MAP2K1: variants seen among roughly 807,000 people sequenced by gnomAD.
MAP2K1 encodes dual specificity mitogen-activated protein kinase kinase 1.
A neutral mutation model predicts 46.3 loss-of-function variants in MAP2K1; 16 were observed. The observed-to-expected ratio is 0.35, with a 90% CI of 0.23 to 0.52. The LOEUF (loss-of-function observed/expected upper bound fraction) is 0.52, where lower values mean the gene tolerates loss of function less well. Ranked by LOEUF, MAP2K1 falls within the 20% of genes least tolerant of loss-of-function variation. The pLI is 0.94. For missense variants in MAP2K1, 263 were observed against 497.1 expected (o/e 0.53, Z 4.48); for synonymous variants, 183 against 185.6 (o/e 0.99, Z 0.11).
chr15:66,458,449 T>C (rs1892229002), intron 5 of MAP2K1, among the ~76,000 whole-genome samples: 1 of 152,228 alleles, frequency 6.6e-6, no homozygotes, highest in African/African-American at 2.4e-5. Context: ...TTTCCTTCTA[T>C]CTAATGAAAC....
At position 66,469,693 on chromosome 15, in the gene MAP2K1, GAC is replaced by G. The variant is rs56197290; in HGVS notation, c.569-12032_569-12031del. Reference sequence around the variant, plus strand: ...ACCCAAAACATAAAATCCTTTTAAAGACACACACACACACACACACACACACA... The same window carrying G: ...ACCCAAAACATAAAATCCTTTTAAAGACACACACACACACACACACACACA... On this transcript the variant is annotated intron_variant, in intron 5 of 10. Transcript: ENST00000307102. Among the ~76,000 whole-genome samples, 115 of 84,846 alleles carry G rather than the reference GAC, an allele frequency of 1.4e-3. 1 individual carries two copies. The highest frequency in any genetic ancestry group is 4.9e-3 in the East Asian group (9 of 1,848). The allele number at this position is 84,846 out of a possible 152,430, so 55.7% of individuals were successfully genotyped here.
chr15:66,461,745 C>T (rs896195925), intron 5 of MAP2K1, among the ~76,000 whole-genome samples: 4 of 152,072 alleles, frequency 2.6e-5, no homozygotes, highest in South Asian at 2.1e-4. Flanking sequence ...AAGCTGCTAC[C>T]CACCAAGTGA....
chr15:66,401,982 C>A, intron 1 of MAP2K1: 4 of 1,340,814 alleles, frequency 3.0e-6, no homozygotes, highest in Non-Finnish European at 3.9e-6. Flanking sequence ...CCAGGCTGAA[C>A]ATTTTGAAAA....
At chr15:66,443,173 GCCTCCCAGGTTCATGCCATT>G in intron 3 of MAP2K1, 87 bp from the exon 4 acceptor site, 1 of 564,874 alleles carries the variant, frequency 1.8e-6, no homozygotes, top group Non-Finnish European at 3.3e-6. Flanking sequence ...TGCAAGCTCC[GCCTCCCAGGTTCATGCCATT>G]CTCCTGCCTC....
intron 1 of MAP2K1, among the ~76,000 whole-genome samples, chr15:66,387,867 C>T (rs948310988): frequency 6.6e-6 from 1 of 152,200 alleles, no homozygotes; most frequent in African/African-American, 2.4e-5. Context: ...GGAGCATCAT[C>T]CTCACCTTCA....
rs1417401434 is a variant in MAP2K1 at position 66,420,775 on chromosome 15, A to ATG, written c.81-14248_81-14247dup. On this transcript the variant is annotated intron_variant, in intron 1 of 10. Coordinates refer to ENST00000307102, the MANE Select transcript of MAP2K1 (RefSeq NM_002755.4). ...TGTGTGTGTGTATGTGTGTATATAT[A>ATG]TGTGTATATATATGTGTGTATATAT... is the stretch of plus-strand genomic sequence containing the variant. 3.0e-3 allele frequency among the ~76,000 whole-genome samples: 78 copies of ATG among 26,396 alleles called. 18 individuals are homozygous for ATG. The highest frequency in any genetic ancestry group is 9.4e-4 in the Non-Finnish European group (10 of 10,664). 17.3% of individuals were successfully genotyped at this position (26,396 alleles called of 152,430 possible).
intron 1 of MAP2K1, among the ~76,000 whole-genome samples, chr15:66,430,264 A>C (rs533654864): frequency 6.6e-6 from 1 of 152,096 alleles, no homozygotes; most frequent in South Asian, 2.1e-4. Context: ...GCCACAGGGG[A>C]AGGAGAACTT....
intron 1 of MAP2K1, among the ~76,000 whole-genome samples, chr15:66,413,911 C>CT (rs10649963): frequency 0.82 from 91,002 of 111,388 alleles, 37,380 homozygotes; most frequent in East Asian, 0.91. Flanking sequence ...TCTTCTTCTT[C>CT]TTTTTTTTTT....
chr15:66,403,536 C>T (rs1377186548), intron 1 of MAP2K1, among the ~76,000 whole-genome samples: 2 of 151,914 alleles, frequency 1.3e-5, no homozygotes, highest in African/African-American at 4.8e-5. Context: ...TGGAATTGAC[C>T]TATTTTGAGT....
chr15:66,403,267 T>A (rs1453604516), intron 1 of MAP2K1, among the ~76,000 whole-genome samples: 1 of 152,182 alleles, frequency 6.6e-6, no homozygotes, highest in Non-Finnish European at 1.5e-5. Flanking sequence ...CTATGCAATA[T>A]CCTTAAAAAA....
intron 1 of MAP2K1, among the ~76,000 whole-genome samples, chr15:66,388,791 T>A (rs757260717): frequency 6.6e-6 from 1 of 152,092 alleles, no homozygotes; most frequent in African/African-American, 2.4e-5. Context: ...TTTTCAGACC[T>A]GCTCCCAACA....
chr15:66,417,048 C>G (rs7168238), intron 1 of MAP2K1, among the ~76,000 whole-genome samples: 128,756 of 152,154 alleles, frequency 0.85, 55,763 homozygotes, highest in East Asian at 1. Flanking sequence ...GGCAAGCTTT[C>G]TGGTTCTCTA....
chr15:66,487,972 A>G (rs1430230443), intron 8 of MAP2K1, among the ~76,000 whole-genome samples: 1 of 152,040 alleles, frequency 6.6e-6, no homozygotes, highest in Non-Finnish European at 1.5e-5. Context: ...AGGTAGGCCA[A>G]ATTGGTTCCT....
chr15:66,472,070 C>G (rs1892647489), intron 5 of MAP2K1, among the ~76,000 whole-genome samples: 1 of 72,470 alleles, frequency 1.4e-5, no homozygotes, highest in African/African-American at 5.9e-5. Context: ...AGCAAGACTC[C>G]ATCTCAAAAA....
At chr15:66,422,598 A>C (rs1345648655) in intron 1 of MAP2K1, among the ~76,000 whole-genome samples, 1 of 152,204 alleles carries the variant, frequency 6.6e-6, no homozygotes, top group Non-Finnish European at 1.5e-5. Flanking sequence ...AAAAAAATGA[A>C]CGTATATGAA....
intron 5 of MAP2K1, among the ~76,000 whole-genome samples, chr15:66,452,960 A>G (rs1480834630): frequency 6.6e-6 from 1 of 152,226 alleles, no homozygotes; most frequent in Admixed American, 6.5e-5. Context: ...TGAAGATGAT[A>G]GTAGAAAACA....
At chr15:66,394,745 T>A (rs538628277) in intron 1 of MAP2K1, among the ~76,000 whole-genome samples, 148 of 152,276 alleles carry the variant, frequency 9.7e-4, no homozygotes, top group Middle Eastern at 3.4e-3. Context: ...AGCCACCATG[T>A]CTGGCCTGAT....
chr15:66,444,781 CTA>C (rs1891818621), intron 5 of MAP2K1, 74 bp downstream of exon 5: 1 of 1,234,538 alleles, frequency 8.1e-7, no homozygotes, highest in Admixed American at 1.7e-5. Flanking sequence ...CCTCTTTTTT[CTA>C]TGTTTTGTTT....
intron 2 of MAP2K1, among the ~76,000 whole-genome samples, chr15:66,435,802 C>A (rs118001730): frequency 6.6e-6 from 1 of 152,274 alleles, no homozygotes; most frequent in Non-Finnish European, 1.5e-5. Flanking sequence ...TTATCAAGTG[C>A]TGGAGAAGCT....
Sources: gnomAD v4.1 joint callset for allele counts (sites outside exome capture counted in the v4.1 genomes callset) on GRCh38, gnomAD v4.1.1 for gene constraint, MANE v1.5 for transcripts, NCBI Gene and HGNC (gene_info 2026-07-23, HGNC 2026-07-21) for gene names.